The following SLC25A25 variants were observed in gnomAD, a reference collection of about 807,000 sequenced individuals.
SLC25A25 encodes the protein mitochondrial adenyl nucleotide antiporter SLC25A25.
In SLC25A25, 32 loss-of-function variants were observed where a neutral mutation model predicts 57.7. The ratio of observed to expected loss-of-function variants is 0.55; its 90% CI spans 0.42 to 0.74. The LOEUF (loss-of-function observed/expected upper bound fraction) is 0.74. Among genes scored for constraint, SLC25A25 ranks in the 30% least tolerant of loss-of-function variants. The pLI is 0.00. For missense variants in SLC25A25, 556 were observed against 701.3 expected, an observed-to-expected ratio of 0.79 and a Z score of 2.34; for synonymous variants, 306 against 291.2, an observed-to-expected ratio of 1.05 and a Z score of -0.52.
rs1833851217 is a variant in SLC25A25 at position 128,102,616 on chromosome 9, T to C, written c.624+135T>C. ...TTCCACAGGAGACTGTCCCCTCTTCTGCCAGCCCAGTAGAGCTGTCCGCAT... is the reference window on the plus strand; with the variant it reads ...TTCCACAGGAGACTGTCCCCTCTTCCGCCAGCCCAGTAGAGCTGTCCGCAT... On this transcript the variant is annotated intron_variant, in intron 5 of 10. Coordinates refer to ENST00000373069, the MANE Select transcript of SLC25A25 (RefSeq NM_001330988.2). This position sits in a 1 kb window ranked among gnomAD's most constrained non-coding sequence, Gnocchi z 4.1. The C allele has an allele frequency of 2.9e-6, 2 of 682,852 alleles. No homozygotes were observed. The highest frequency in any genetic ancestry group is 1.8e-5 in the African/African-American group (1 of 55,578). 42.3% of individuals were successfully genotyped at this position (682,852 alleles called of 1,614,324 possible). A position where few individuals can be genotyped will look rare whatever the true frequency, so the allele number is the denominator to read the frequency against.
intron 1 of SLC25A25, among the ~76,000 whole-genome samples, chr9:128,086,723 G>A (rs947973807): frequency 6.6e-6 from 1 of 151,920 alleles, no homozygotes. Context: ...CAATCCTCCC[G>A]CCTCAGCCTC....
rs371659999 is a variant in SLC25A25, at chr9:128,106,531, A to C, written c.1212+11A>C. 33 of 1,582,480 alleles carry C rather than the reference A, an allele frequency of 2.1e-5. No individual in the cohort carries two copies. Among genetic ancestry groups the C allele is most frequent in the Non-Finnish European group, 2.7e-5 (32 of 1,167,862 alleles). ...CTTGCAGTCTACGAGGTGAGGCCCA[A>C]GCTGGACAGATTTAGAAACCTCCTC... On this transcript the variant is annotated intron_variant, in intron 9 of 10. Transcript: ENST00000373069.
At position 128,095,077 on chromosome 9, in the gene SLC25A25, T is replaced by C. The variant is rs905544823; in HGVS notation, c.262-6019T>C. 3.3e-5 allele frequency among the ~76,000 whole-genome samples: 5 copies of C among 152,216 alleles called. No individual in the cohort carries two copies. The highest frequency in any genetic ancestry group is 5.9e-5 in the Non-Finnish European group (4 of 68,040). ...TCAGGGCTGAAACCCGAGGCCTGCTTTAGTTCCTCCATAATCTAGTTCTCA... is the reference window on the plus strand; with the variant it reads ...TCAGGGCTGAAACCCGAGGCCTGCTCTAGTTCCTCCATAATCTAGTTCTCA... On this transcript the variant is annotated intron_variant, in intron 1 of 10. Transcript: ENST00000373069. The surrounding 1 kb of genome is among the most constrained non-coding windows in gnomAD (Gnocchi z 4.4).
intron 1 of SLC25A25, among the ~76,000 whole-genome samples, chr9:128,072,700 A>G (rs909562242): frequency 1.3e-5 from 2 of 152,230 alleles, no homozygotes; most frequent in African/African-American, 4.8e-5. Context: ...TCTGGGACAA[A>G]AAAAGGGAAG....
rs745429927 is a variant in SLC25A25, at chr9:128,069,702, AC to A, written c.261+1123del. Among the ~76,000 whole-genome samples the A allele has an allele frequency of 2.0e-5, 3 of 152,208 alleles. No homozygotes were observed. In the East Asian group the frequency reaches 5.8e-4, roughly 29 times the overall value. ...GATCAGCCTAGGAGGACCAAGAGTA[AC>A]ACTACGCAAGATAGAATGGTTAAGT... On this transcript the variant is annotated intron_variant, in intron 1 of 10. Coordinates refer to ENST00000373069, the MANE Select transcript of SLC25A25 (RefSeq NM_001330988.2).
intron 1 of SLC25A25, among the ~76,000 whole-genome samples, chr9:128,069,914 G>A (rs989656604): frequency 4.2e-5 from 6 of 142,662 alleles, no homozygotes; most frequent in African/African-American, 1.4e-4. Flanking sequence ...ACCACACCCA[G>A]CTAATTTTTT....
chr9:128,093,108 A>G (rs1250168789), intron 1 of SLC25A25, among the ~76,000 whole-genome samples: 3 of 152,242 alleles, frequency 2.0e-5, no homozygotes, highest in Non-Finnish European at 4.4e-5. Context: ...ACATTTAAGA[A>G]ATAAAAGCTC....
At chr9:128,088,338 T>TTCCCCATGCTCAGGTAGGTTCC (rs1480514681) in intron 1 of SLC25A25, among the ~76,000 whole-genome samples, 7 of 152,220 alleles carry the variant, frequency 4.6e-5, no homozygotes, top group African/African-American at 1.7e-4. Flanking sequence ...GGATGGTTCT[T>TTCCCCATGCTCAGGTAGGTTCC]TCCCCATGCT....
intron 1 of SLC25A25, among the ~76,000 whole-genome samples, chr9:128,086,181 T>TA (rs2130796721): frequency 6.6e-6 from 1 of 151,076 alleles, no homozygotes; most frequent in African/African-American, 2.4e-5. Context: ...TGTTTTTTTT[T>TA]AGACAAGATC....
At chr9:128,077,543 A>G (rs1175805578) in intron 1 of SLC25A25, among the ~76,000 whole-genome samples, 1 of 150,948 alleles carries the variant, frequency 6.6e-6, no homozygotes, top group Non-Finnish European at 1.5e-5. Context: ...AGTCGCAAAG[A>G]TCATGCACTG....
In SLC25A25 at chr9:128,068,343, C is replaced by T. The variant is rs534756011; in HGVS notation, c.24C>T (p.Arg8=). 30 of 1,534,076 alleles carry T rather than the reference C, an allele frequency of 2.0e-5. No individual in the cohort carries two copies. In the East Asian group the frequency reaches 3.4e-4, roughly 17 times the overall value. Residue 8 remains arginine (R), a synonymous_variant, in exon 1 of 11, where the codon CGC becomes CGT. Coordinates refer to ENST00000373069, the MANE Select transcript of SLC25A25 (RefSeq NM_001330988.2). ...CGATGGTGAGCAGTGTGTTGTGCCG[C>T]TGTGTGGCCTCCCCGCCGCCGGACG... The part of the protein sequence containing the change: MVSSVLC[R]CVASPPPDAA...
At chr9:128,089,661 A>C (rs1470452637) in intron 1 of SLC25A25, among the ~76,000 whole-genome samples, 1 of 140,912 alleles carries the variant, frequency 7.1e-6, no homozygotes, top group Non-Finnish European at 1.5e-5. Context: ...TTGAGACAGG[A>C]TCTCCCTGTC....
chr9:128,080,250 CAAAAA>C (rs67092008), intron 1 of SLC25A25, among the ~76,000 whole-genome samples: 1 of 140,812 alleles, frequency 7.1e-6, no homozygotes, highest in African/African-American at 2.8e-5. Context: ...AACAAAAAAA[CAAAAA>C]AAAAACCCAC....
intron 1 of SLC25A25, among the ~76,000 whole-genome samples, chr9:128,074,297 C>T (rs1188291540): frequency 6.6e-6 from 1 of 151,934 alleles, no homozygotes; most frequent in African/African-American, 2.4e-5. Context: ...CCACCTCAGC[C>T]TCCCAAAGTG....
chr9:128,107,280 G>T lies in SLC25A25; in HGVS notation c.1384G>T (p.Glu462Ter). The T allele has an allele frequency of 6.3e-7, 1 of 1,590,248 alleles. No individual in the cohort carries two copies. The highest frequency in any genetic ancestry group is 8.6e-7 in the Non-Finnish European group (1 of 1,163,616). The change falls in exon 11 of 11, where the codon GAG (glutamate) becomes TAG (stop). Residue 462 changes from glutamate (E) to a stop codon, truncating the protein, a stop_gained. Coordinates refer to ENST00000373069, the MANE Select transcript of SLC25A25 (RefSeq NM_001330988.2). LOFTEE classifies it high-confidence loss of function. ...QAQASIEGAPEVTMSSLFKHI... is the reference protein window; with the variant it reads ...QAQASIEGAP Reference sequence around the variant, plus strand: ...TGCAGCCTCTATTGAGGGCGCTCCGGAGGTGACCATGAGCAGCCTCTTCAA... The same window carrying T: ...TGCAGCCTCTATTGAGGGCGCTCCGTAGGTGACCATGAGCAGCCTCTTCAA...
chr9:128,106,101 T>C (rs766129450), intron 7 of SLC25A25, 49 bp from the exon 8 acceptor site: 3 of 1,608,956 alleles, frequency 1.9e-6, no homozygotes, highest in Middle Eastern at 1.7e-4. Flanking sequence ...CAGCAGCAGG[T>C]GCCCCAACCT....
intron 1 of SLC25A25, among the ~76,000 whole-genome samples, chr9:128,082,950 C>T (rs1192280994): frequency 6.6e-6 from 1 of 152,012 alleles, no homozygotes; most frequent in Non-Finnish European, 1.5e-5. Context: ...TTGTTTGAGG[C>T]CGGGCGCAGT....
intron 1 of SLC25A25, among the ~76,000 whole-genome samples, chr9:128,079,496 C>A (rs886880337): frequency 1.3e-5 from 2 of 150,280 alleles, no homozygotes; most frequent in South Asian, 4.2e-4. Context: ...TTGTGGCTCA[C>A]GCCTGTAATC....
In SLC25A25 at chr9:128,102,250, G is replaced by A. The variant is rs3814523; in HGVS notation, c.513-120G>A. 2,693 of 1,395,090 alleles carry A rather than the reference G, an allele frequency of 1.9e-3. 57 individuals are homozygous for A. The East Asian group carries it at 0.049, about 26-fold the overall frequency. The allele number at this position is 1,395,090 out of a possible 1,614,324, so 86.4% of individuals were successfully genotyped here. On this transcript the variant is annotated intron_variant, in intron 4 of 10. Coordinates refer to ENST00000373069, the MANE Select transcript of SLC25A25 (RefSeq NM_001330988.2). The surrounding 1 kb of genome is among the most constrained non-coding windows in gnomAD (Gnocchi z 4.1). ...CCCCCTGCTCTTTCTCCTGGGGGCA[G>A]AGGCACCTCGTGTGGTTTCTGGGCA...
Sources: gnomAD v4.1 joint callset for allele counts (sites outside exome capture counted in the v4.1 genomes callset) on GRCh38, gnomAD v4.1.1 for gene constraint, Gnocchi (gnomAD v3.1) non-coding constraint, MANE v1.5 for transcripts, NCBI Gene and HGNC (gene_info 2026-07-23, HGNC 2026-07-21) for gene names.